SP4: variants seen among roughly 807,000 people sequenced by gnomAD.
The protein encoded by SP4 is Sp4 transcription factor, also known as transcription factor Sp4.
Under a neutral mutation model 72.8 loss-of-function variants are expected in SP4, and 19 were observed. That is an observed-to-expected ratio of 0.26 (90% CI 0.18 to 0.38). The LOEUF (loss-of-function observed/expected upper bound fraction) is 0.38. Ranked by LOEUF, SP4 falls within the 10% of genes least tolerant of loss-of-function variation. The probability of loss-of-function intolerance (pLI) is 1.00; values close to 1 mark genes in which losing one functional copy is unlikely to be tolerated. For missense variants in SP4, 1,008 were observed against 926.3 expected, an observed-to-expected ratio of 1.09 and a Z score of -1.14; for synonymous variants, 395 against 333.1, an observed-to-expected ratio of 1.19 and a Z score of -2.02.
chr7:21,464,515 C>G (rs1784105071), intron 3 of SP4, among the ~76,000 whole-genome samples: 1 of 151,978 alleles, frequency 6.6e-6, no homozygotes, highest in Non-Finnish European at 1.5e-5. Context: ...CAGAGTTTTC[C>G]TAAAACTGAG....
chr7:21,475,994 G>C (rs1476133250), intron 3 of SP4, among the ~76,000 whole-genome samples: 1 of 152,152 alleles, frequency 6.6e-6, no homozygotes, highest in African/African-American at 2.4e-5. Context: ...TTGTAGGCCG[G>C]GCACGGTGGC....
In SP4 at chr7:21,511,417, C is replaced by T. The variant is rs1426647932; in HGVS notation, c.*148C>T. On this transcript the variant is annotated 3_prime_UTR_variant, in exon 6 of 6. Coordinates refer to ENST00000222584, the MANE Select transcript of SP4 (RefSeq NM_003112.5). ...AGTATTCCAGGGTTTGGGGTCAACA[C>T]GTGAAGTGTTGAATTTTAAAAAATA... 7.9e-6 allele frequency: 6 copies of T among 758,514 alleles called. No homozygotes were observed. The highest frequency in any genetic ancestry group is 2.0e-5 in the South Asian group (1 of 50,162). 47.0% of individuals were successfully genotyped at this position (758,514 alleles called of 1,614,324 possible). A position where few individuals can be genotyped will look rare whatever the true frequency, so the allele number is the denominator to read the frequency against.
At chr7:21,468,955 T>A (rs1434728791) in intron 3 of SP4, among the ~76,000 whole-genome samples, 1 of 152,172 alleles carries the variant, frequency 6.6e-6, no homozygotes, top group Non-Finnish European at 1.5e-5. Context: ...GCTCTTTATA[T>A]ATACTCCTGT....
chr7:21,479,721 G>T (rs560107925), intron 4 of SP4, among the ~76,000 whole-genome samples: 1 of 152,234 alleles, frequency 6.6e-6, no homozygotes, highest in East Asian at 1.9e-4. Context: ...CTTTGGGGAC[G>T]GTTGCCAGCT....
chr7:21,491,629 A>C (rs1784981842), intron 5 of SP4, among the ~76,000 whole-genome samples: 1 of 152,240 alleles, frequency 6.6e-6, no homozygotes, highest in Admixed American at 6.5e-5. Context: ...AAAGATAAAA[A>C]ATCTTGAAAG....
chr7:21,438,660 T>G (rs1783130226), intron 3 of SP4, among the ~76,000 whole-genome samples: 1 of 152,202 alleles, frequency 6.6e-6, no homozygotes, highest in African/African-American at 2.4e-5. Flanking sequence ...CTGTTACCTG[T>G]GGTCAACTAT....
At chr7:21,436,580 A>G (rs1783057572) in intron 3 of SP4, among the ~76,000 whole-genome samples, 1 of 152,190 alleles carries the variant, frequency 6.6e-6, no homozygotes, top group South Asian at 2.1e-4. Flanking sequence ...ATCCTTACAC[A>G]GTAAGGATTG....
chr7:21,493,733 G>A (rs778551275), intron 5 of SP4, among the ~76,000 whole-genome samples: 22 of 152,022 alleles, frequency 1.4e-4, no homozygotes, highest in African/African-American at 4.8e-4. Context: ...CTCTGGGCCC[G>A]TATGGTTTCA....
rs1782137437 is a variant in SP4 at position 21,511,316 on chromosome 7, C to T, written c.*47C>T. ...CTCTAGTGCTGCACTTGTTTACACA[C>T]CTTTGAAAATCTGGAAATGGGCTGG... On this transcript the variant is annotated 3_prime_UTR_variant, in exon 6 of 6. Transcript: ENST00000222584. 3 of 1,564,082 alleles carry T rather than the reference C, an allele frequency of 1.9e-6. No individual in the cohort carries two copies. The highest frequency in any genetic ancestry group is 1.4e-5 in the African/African-American group (1 of 73,398).
chr7:21,465,501 A>G (rs1275966857), intron 3 of SP4, among the ~76,000 whole-genome samples: 1 of 152,228 alleles, frequency 6.6e-6, no homozygotes, highest in African/African-American at 2.4e-5. Flanking sequence ...ACAGCATTAG[A>G]CAAAGTATAG....
chr7:21,498,832 T>TC (rs1329970234), intron 5 of SP4, among the ~76,000 whole-genome samples: 1 of 152,122 alleles, frequency 6.6e-6, no homozygotes, highest in African/African-American at 2.4e-5. Flanking sequence ...ACGCCTGTAA[T>TC]CCCAGCACTA....
chr7:21,497,723 A>G (rs937608563), intron 5 of SP4, among the ~76,000 whole-genome samples: 1 of 152,182 alleles, frequency 6.6e-6, no homozygotes, highest in African/African-American at 2.4e-5. Context: ...GAGTTTCGGA[A>G]TCTGGATCTT....
intron 5 of SP4, among the ~76,000 whole-genome samples, chr7:21,487,335 CCT>C (rs1174340527): frequency 1.3e-5 from 2 of 149,146 alleles, no homozygotes; most frequent in Non-Finnish European, 1.5e-5. Context: ...CACCTCTCTC[CCT>C]CTCTCTCTCT....
chr7:21,459,756 T>G (rs549626930), intron 3 of SP4, among the ~76,000 whole-genome samples: 1 of 152,370 alleles, frequency 6.6e-6, no homozygotes, highest in Admixed American at 6.5e-5. Flanking sequence ...TTAGTGGTCC[T>G]GTTTACTAAC....
At chr7:21,507,734 T>A (rs1382123862) in intron 5 of SP4, among the ~76,000 whole-genome samples, 1 of 152,168 alleles carries the variant, frequency 6.6e-6, no homozygotes, top group Non-Finnish European at 1.5e-5. Flanking sequence ...CTCTTTCCCT[T>A]GTCCCCTAGG....
Position 21,428,224 on chromosome 7 carries a change from G to T in SP4, c.-28G>T, listed in dbSNP as rs1412210841. 3 of 1,083,734 alleles carry T rather than the reference G, an allele frequency of 2.8e-6. No homozygotes were observed. The highest frequency in any genetic ancestry group is 3.7e-6 in the Non-Finnish European group (3 of 806,412). The allele number at this position is 1,083,734 out of a possible 1,614,324, so 67.1% of individuals were successfully genotyped here. On this transcript the variant is annotated 5_prime_UTR_variant, in exon 1 of 6. Transcript: ENST00000222584. ...CACCCACCTCTATCCCAGTGTCTCC[G>T]TCTGAGGGTTTGTCCTGTTAATGCG...
chr7:21,449,773 C>G (rs1021966943), intron 3 of SP4, among the ~76,000 whole-genome samples: 3 of 152,104 alleles, frequency 2.0e-5, no homozygotes, highest in African/African-American at 7.2e-5. Flanking sequence ...TATTGGCAAA[C>G]CAGGATAACC....
chr7:21,510,871 A>T, intron 5 of SP4, 151 bp from the exon 6 acceptor site: 1 of 689,402 alleles, frequency 1.5e-6, no homozygotes, highest in Non-Finnish European at 2.3e-6. Flanking sequence ...TGCATTGTGT[A>T]TTTGATAACG....
intron 3 of SP4, among the ~76,000 whole-genome samples, chr7:21,437,224 T>C (rs1367109918): frequency 6.6e-6 from 1 of 152,224 alleles, no homozygotes; most frequent in East Asian, 1.9e-4. Context: ...TATTGAGTAG[T>C]TGGCTCTTGA....
Sources: allele counts gnomAD v4.1 joint callset (sites outside exome capture counted in the v4.1 genomes callset), GRCh38; gene constraint gnomAD v4.1.1; transcripts MANE v1.5; gene names NCBI Gene and HGNC (gene_info 2026-07-23, HGNC 2026-07-21).